Variants in HMGCLL1 observed in about 807,000 individuals in gnomAD.
HMGCLL1 encodes 3-hydroxymethyl-3-methylglutaryl-CoA lyase, cytoplasmic.
HMGCLL1 carries 36 observed loss-of-function variants against 39.1 expected under a neutral mutation model. That is an observed-to-expected ratio of 0.92 (90% confidence interval 0.71 to 1.22). The LOEUF (loss-of-function observed/expected upper bound fraction) is 1.22, where lower values mean the gene tolerates loss of function less well. Among genes scored for constraint, HMGCLL1 ranks in the 50% most tolerant of loss-of-function variants. The pLI is 0.00. For missense variants in HMGCLL1, 451 were observed against 416.5 expected, an observed-to-expected ratio of 1.08 and a Z score of -0.72; for synonymous variants, 149 against 144.0, an observed-to-expected ratio of 1.03 and a Z score of -0.25.
the HMGCLL1 span, among the ~76,000 whole-genome samples, chr6:55,637,054 G>A: frequency 6.6e-6 from 1 of 152,078 alleles, no homozygotes; most frequent in Non-Finnish European, 1.5e-5. Context: ...AACAAATGGA[G>A]CATTATTTTT....
intron 3 of HMGCLL1, among the ~76,000 whole-genome samples, chr6:55,525,253 A>G (rs1768259635): frequency 6.6e-6 from 1 of 151,870 alleles, no homozygotes; most frequent in Non-Finnish European, 1.5e-5. Context: ...GAAAAAAAGG[A>G]TCACTTAGAG....
At chr6:55,483,273 A>G (rs910178572) in intron 7 of HMGCLL1, among the ~76,000 whole-genome samples, 2 of 152,004 alleles carry the variant, frequency 1.3e-5, no homozygotes, top group African/African-American at 4.8e-5. Context: ...ATTTTATTAT[A>G]TTTTATTTTT....
the HMGCLL1 span, among the ~76,000 whole-genome samples, chr6:55,651,047 T>C: frequency 0.11 from 17,063 of 152,060 alleles, 1,143 homozygotes; most frequent in East Asian, 0.17. Flanking sequence ...GTGGCCAAGT[T>C]GGAACCTAGG....
At chr6:55,642,553 G>A in the HMGCLL1 span, among the ~76,000 whole-genome samples, 1 of 151,986 alleles carries the variant, frequency 6.6e-6, no homozygotes, top group Non-Finnish European at 1.5e-5. Flanking sequence ...TCACATCATG[G>A]GAAATTGGTT....
the HMGCLL1 span, among the ~76,000 whole-genome samples, chr6:55,596,720 G>A: frequency 0.67 from 101,396 of 152,026 alleles, 34,675 homozygotes; most frequent in East Asian, 0.9. Context: ...TATAAATTAC[G>A]TATATACTTA....
At chr6:55,616,313 T>C in the HMGCLL1 span, among the ~76,000 whole-genome samples, 5 of 152,222 alleles carry the variant, frequency 3.3e-5, no homozygotes, top group Non-Finnish European at 7.4e-5. Flanking sequence ...AAGGCCATCA[T>C]GTAAACAAGT....
chr6:55,567,490 C>G (rs1170956062), intron 1 of HMGCLL1, among the ~76,000 whole-genome samples: 1 of 152,140 alleles, frequency 6.6e-6, no homozygotes, highest in Non-Finnish European at 1.5e-5. Flanking sequence ...AATGCCTTCT[C>G]TCTATCCAAA....
the HMGCLL1 span, among the ~76,000 whole-genome samples, chr6:55,673,853 T>C: frequency 4.6e-5 from 7 of 151,958 alleles, no homozygotes; most frequent in African/African-American, 1.7e-4. Context: ...ACCCTAATGT[T>C]ATGGTCAGTT....
In HMGCLL1 at chr6:55,450,007, T is replaced by C. The variant is rs187672444; in HGVS notation, c.796-10448A>G. Reference sequence around the variant, plus strand: ...ATCTCATCTTGACTTATTCCATTTCTGAGTTCCCTGAAGGAACTTGGCTAG... The same window carrying C: ...ATCTCATCTTGACTTATTCCATTTCCGAGTTCCCTGAAGGAACTTGGCTAG... On this transcript the variant is annotated intron_variant, in intron 7 of 8. Transcript: ENST00000274901. 1.4e-4 allele frequency among the ~76,000 whole-genome samples: 22 copies of C among 152,348 alleles called. No individual in the cohort carries two copies. The East Asian group carries it at 4.2e-3, about 29-fold the overall frequency.
At chr6:55,577,749 G>T (rs1414294032) in intron 1 of HMGCLL1, among the ~76,000 whole-genome samples, 1 of 152,106 alleles carries the variant, frequency 6.6e-6, no homozygotes, top group Non-Finnish European at 1.5e-5. Flanking sequence ...AATTTAAAAA[G>T]TCAAGAACAT....
At chr6:55,543,512 TA>T (rs1227638558) in intron 1 of HMGCLL1, among the ~76,000 whole-genome samples, 12 of 88,548 alleles carry the variant, frequency 1.4e-4, no homozygotes, top group African/African-American at 4.6e-4. Flanking sequence ...ATATCATATA[TA>T]ATATATATAT....
the HMGCLL1 span, among the ~76,000 whole-genome samples, chr6:55,629,607 A>C: frequency 1.3e-5 from 2 of 152,190 alleles, no homozygotes; most frequent in Non-Finnish European, 2.9e-5. Flanking sequence ...AGAGGTCTTC[A>C]CAGCAGACCC....
At chr6:55,514,277 T>C in intron 4 of HMGCLL1, 81 bp from the exon 5 acceptor site, 1 of 1,000,842 alleles carries the variant, frequency 1.0e-6, no homozygotes, top group Non-Finnish European at 1.5e-6. Flanking sequence ...TTAACTACTC[T>C]ATGAAGGCAT....
chr6:55,666,940 T>G, the HMGCLL1 span, among the ~76,000 whole-genome samples: 2 of 151,744 alleles, frequency 1.3e-5, no homozygotes, highest in Middle Eastern at 3.4e-3. Flanking sequence ...TTTTATTTTT[T>G]TTTTTCAAAA....
At chr6:55,466,265 G>C (rs1441160360) in intron 7 of HMGCLL1, among the ~76,000 whole-genome samples, 2 of 151,940 alleles carry the variant, frequency 1.3e-5, no homozygotes, top group African/African-American at 4.8e-5. Context: ...AGCTTGAAGA[G>C]AGATGAACCT....
At chr6:55,488,604 G>T (rs922651420) in intron 7 of HMGCLL1, among the ~76,000 whole-genome samples, 2 of 151,892 alleles carry the variant, frequency 1.3e-5, no homozygotes, top group Non-Finnish European at 1.5e-5. Flanking sequence ...TGTATATTAT[G>T]CTCTCTATTG....
the HMGCLL1 span, among the ~76,000 whole-genome samples, chr6:55,668,681 A>T: frequency 6.6e-6 from 1 of 151,902 alleles, no homozygotes; most frequent in African/African-American, 2.4e-5. Context: ...AAAACCCGGA[A>T]GTGAACATTG....
At chr6:55,496,651 A>G (rs983093425) in intron 6 of HMGCLL1, among the ~76,000 whole-genome samples, 6 of 152,132 alleles carry the variant, frequency 3.9e-5, no homozygotes, top group East Asian at 3.9e-4. Context: ...AATAACACCA[A>G]TGAACTCATA....
chr6:55,541,608 TTAA>T (rs1769436760), intron 3 of HMGCLL1, 118 bp downstream of exon 3: 1 of 607,726 alleles, frequency 1.6e-6, no homozygotes, highest in African/African-American at 1.9e-5. Context: ...AGTCCACAGG[TTAA>T]TATTTTGAAA....
Sources: allele counts gnomAD v4.1 joint callset (sites outside exome capture counted in the v4.1 genomes callset), GRCh38; gene constraint gnomAD v4.1.1; transcripts MANE v1.5; gene names NCBI Gene and HGNC (gene_info 2026-07-23, HGNC 2026-07-21).